TMEM164: variants seen among roughly 807,000 people sequenced by gnomAD.
TMEM164 encodes RP13-360B22.2.
In TMEM164, 4 loss-of-function variants were observed where a neutral mutation model predicts 18.8. The observed-to-expected ratio is 0.21, with a 90% CI of 0.10 to 0.49. The LOEUF (loss-of-function observed/expected upper bound fraction) is 0.49. Ranked by LOEUF, TMEM164 falls within the 20% of genes least tolerant of loss-of-function variation. TMEM164 has a pLI of 0.98. For synonymous variants in TMEM164, 86 were observed against 101.7 expected (o/e 0.85, Z 0.93); for missense variants, 108 against 239.9 (o/e 0.45, Z 3.63).
intron 4 of TMEM164, among the ~76,000 whole-genome samples, chrX:110,136,768 GC>G (rs1002899279): frequency 1.8e-5 from 2 of 111,522 alleles, no homozygotes; most frequent in Non-Finnish European, 3.8e-5. Context: ...CCTCCCACCT[GC>G]TTCCAGTCCT....
Position 110,175,681 on chromosome X carries a change from G to A in TMEM164, c.*2230G>A. 1 of 702,399 alleles carries A rather than the reference G, an allele frequency of 1.4e-6. No individual in the cohort carries two copies. Among genetic ancestry groups the A allele is most frequent in the Non-Finnish European group, 1.7e-6 (1 of 591,783 alleles). The allele number at this position is 702,399 out of a possible 1,213,427, so 57.9% of individuals were successfully genotyped here. On this transcript the variant is annotated 3_prime_UTR_variant, in exon 7 of 7. Coordinates refer to ENST00000372068, the MANE Select transcript of TMEM164 (RefSeq NM_032227.4). Reference sequence around the variant, plus strand: ...TGTCAGAGGAAGGAAGAAGTAAAGGGGGCATGCAGGGCTTTTGGGGGCCAG... The same window carrying A: ...TGTCAGAGGAAGGAAGAAGTAAAGGAGGCATGCAGGGCTTTTGGGGGCCAG...
intron 2 of TMEM164, among the ~76,000 whole-genome samples, chrX:110,021,852 G>C (rs1312200608): frequency 8.9e-6 from 1 of 112,088 alleles, no homozygotes; most frequent in Non-Finnish European, 1.9e-5. Context: ...TACTGGCTCA[G>C]AGAATAGTCT....
At chrX:110,085,011 C>T (rs946369344) in intron 3 of TMEM164, among the ~76,000 whole-genome samples, 2 of 110,525 alleles carry the variant, frequency 1.8e-5, no homozygotes, top group African/African-American at 6.6e-5. Flanking sequence ...TCATAGAGTC[C>T]ATGTTTTCTT....
At chrX:110,044,692 C>T (rs1012751992) in intron 2 of TMEM164, among the ~76,000 whole-genome samples, 3 of 97,849 alleles carry the variant, frequency 3.1e-5, no homozygotes, top group Non-Finnish European at 6.0e-5. Flanking sequence ...CTCACATGAT[C>T]GTCCTGCCTT....
intron 3 of TMEM164, among the ~76,000 whole-genome samples, chrX:110,076,082 T>C (rs1439000633): frequency 2.8e-5 from 3 of 107,775 alleles, no homozygotes; most frequent in African/African-American, 1.0e-4. Context: ...AGAATTTAGC[T>C]CTGAATCTAT....
chrX:110,100,686 C>A (rs1390806244), intron 3 of TMEM164, among the ~76,000 whole-genome samples: 1 of 111,482 alleles, frequency 9.0e-6, no homozygotes, highest in Non-Finnish European at 1.9e-5. Context: ...ATTCCCCTGC[C>A]TCAGCCTCCG....
At chrX:110,100,878 C>T (rs983542709) in intron 3 of TMEM164, among the ~76,000 whole-genome samples, 16 of 111,254 alleles carry the variant, frequency 1.4e-4, no homozygotes, top group Non-Finnish European at 2.6e-4. Context: ...TGTGAGCCAC[C>T]GTGCCTGGCC....
chrX:110,020,564 G>A, intron 2 of TMEM164: 4 of 754,566 alleles, frequency 5.3e-6, no homozygotes, highest in Non-Finnish European at 6.3e-6. Context: ...CATCCAGGAA[G>A]TGGAATGAGA....
At chrX:110,145,979 C>T (rs774487456) in intron 5 of TMEM164, among the ~76,000 whole-genome samples, 4 of 111,945 alleles carry the variant, frequency 3.6e-5, no homozygotes, top group South Asian at 7.5e-4. Flanking sequence ...TTACCCTGTG[C>T]GGCCACTTGG....
At chrX:110,125,618 G>A (rs1047329733) in intron 4 of TMEM164, among the ~76,000 whole-genome samples, 1 of 112,228 alleles carries the variant, frequency 8.9e-6, no homozygotes, top group Admixed American at 9.4e-5. Context: ...CTGGGCTCAT[G>A]GGCCTAAAGC....
chrX:110,155,703 A>G (rs765730679), intron 5 of TMEM164, among the ~76,000 whole-genome samples: 1 of 110,826 alleles, frequency 9.0e-6, no homozygotes, highest in African/African-American at 3.3e-5. Context: ...GCTATCCTCT[A>G]TACAGTCTCC....
intron 2 of TMEM164, among the ~76,000 whole-genome samples, chrX:110,022,382 G>C (rs957311702): frequency 3.6e-5 from 4 of 111,198 alleles, no homozygotes; most frequent in Non-Finnish European, 5.7e-5. Flanking sequence ...TACCTTTATT[G>C]GGCCTTTTCA....
intron 5 of TMEM164, among the ~76,000 whole-genome samples, chrX:110,160,555 A>G (rs1334550942): frequency 8.9e-6 from 1 of 112,047 alleles, no homozygotes; most frequent in African/African-American, 3.2e-5. Context: ...TGCATTTCAA[A>G]CACTGTTCTG....
intron 5 of TMEM164, among the ~76,000 whole-genome samples, chrX:110,163,589 C>A (rs1006856504): frequency 8.9e-5 from 10 of 112,120 alleles, no homozygotes. Context: ...TAAAGGGGAG[C>A]AGAGGAGTGA....
chrX:110,075,663 A>G (rs925280787), intron 3 of TMEM164, among the ~76,000 whole-genome samples: 1 of 111,949 alleles, frequency 8.9e-6, no homozygotes, highest in Admixed American at 9.5e-5. Context: ...GGTTTTTATC[A>G]TGAAGGGAAG....
chrX:110,181,613 C>A (rs1002356479), downstream of TMEM164, among the ~76,000 whole-genome samples: 1 of 113,451 alleles, frequency 8.8e-6, no homozygotes, highest in Non-Finnish European at 1.9e-5. Context: ...CTGTAGTAGT[C>A]AAACCAGCAT....
intron 5 of TMEM164, among the ~76,000 whole-genome samples, chrX:110,166,692 T>C (rs143657902): frequency 5.6e-3 from 623 of 112,236 alleles, no homozygotes; most frequent in Middle Eastern, 0.014. Flanking sequence ...ATTATCTAGG[T>C]TTTCCCCTAC....
chrX:110,069,554 A>G (rs2147857469), intron 3 of TMEM164, among the ~76,000 whole-genome samples: 1 of 104,184 alleles, frequency 9.6e-6, no homozygotes, highest in Non-Finnish European at 2.0e-5. Flanking sequence ...ACCTTTCCCA[A>G]ATATGTTTAT....
intron 2 of TMEM164, chrX:110,046,204 G>C: frequency 4.0e-6 from 3 of 754,630 alleles, no homozygotes; most frequent in South Asian, 1.3e-4. Context: ...TATGGGCTTT[G>C]AATCCGTGTT....
Sources: gnomAD v4.1 joint callset for allele counts (sites outside exome capture counted in the v4.1 genomes callset) on GRCh38, gnomAD v4.1.1 for gene constraint, MANE v1.5 for transcripts, NCBI Gene and HGNC (gene_info 2026-07-23, HGNC 2026-07-21) for gene names.